SLC2A3: variants seen among roughly 807,000 people sequenced by gnomAD.
SLC2A3 encodes solute carrier family 2 member 3, also known as solute carrier family 2, facilitated glucose transporter member 3.
SLC2A3 carries 21 observed loss-of-function variants against 46.4 expected under a neutral mutation model. The observed-to-expected ratio is 0.45, with a 90% CI of 0.32 to 0.65. The LOEUF (loss-of-function observed/expected upper bound fraction) is 0.65. Among genes scored for constraint, SLC2A3 ranks in the 30% least tolerant of loss-of-function variants. SLC2A3 has a pLI of 0.04. For synonymous variants in SLC2A3, 213 were observed against 239.4 expected (o/e 0.89, Z 1.02); for missense variants, 499 against 623.3 (o/e 0.80, Z 2.12).
intron 8 of SLC2A3, among the ~76,000 whole-genome samples, chr12:7,923,683 C>A (rs1214741361): frequency 6.6e-6 from 1 of 151,780 alleles, no homozygotes; most frequent in East Asian, 1.9e-4. Flanking sequence ...TGGTCTTGAA[C>A]TTCTGGGCTC....
chr12:7,920,322 G>T lies in SLC2A3; in HGVS notation c.*1091C>A, dbSNP rs946631185. 17 of 152,044 alleles carry T rather than the reference G, an allele frequency of 1.1e-4. 1 individual carries two copies. The highest frequency in any genetic ancestry group is 5.8e-4 in the East Asian group (3 of 5,180). The allele number at this position is 152,044 out of a possible 1,614,324, so 9.4% of individuals were successfully genotyped here. A position where few individuals can be genotyped will look rare whatever the true frequency, so the allele number is the denominator to read the frequency against. ...TTTCTTATTTGGATGGCTCTCCCACGAGATAGGTGGCGGGATTACTTCAAA... is the reference window on the plus strand; with the variant it reads ...TTTCTTATTTGGATGGCTCTCCCACTAGATAGGTGGCGGGATTACTTCAAA... On this transcript the variant is annotated 3_prime_UTR_variant, in exon 10 of 10. Transcript: ENST00000075120.
At chr12:7,935,429 G>A (rs115815725) in intron 1 of SLC2A3, among the ~76,000 whole-genome samples, 1,597 of 152,160 alleles carry the variant, frequency 0.01, 34 homozygotes, top group African/African-American at 0.036. Flanking sequence ...TCCAGCCTGG[G>A]CAACAAGAGT....
chr12:7,933,068 C>A lies in SLC2A3; in HGVS notation c.188G>T (p.Trp63Leu), dbSNP rs1456273403. The A allele has an allele frequency of 1.2e-6, 2 of 1,614,120 alleles. No homozygotes were observed. The highest frequency in any genetic ancestry group is 8.5e-7 in the Non-Finnish European group (1 of 1,180,016). Reference protein sequence around the residue: ...PPSEVLLTSLWSLSVAIFSVG... With the variant: ...PPSEVLLTSLLSLSVAIFSVG... ...GGAAAATATGGCCACAGACAAGGAC[C>A]AGAGAGACGTGAGCAGCACCTCAGA... Residue 63 changes from tryptophan (W) to leucine (L), a missense_variant, in exon 3 of 10, where the codon TGG becomes TTG. Around this residue, in one of 5 missense-constraint regions of SLC2A3, gnomAD observed 248 missense variants for 284.0 expected, o/e 0.87. Coordinates refer to ENST00000075120, the MANE Select transcript of SLC2A3 (RefSeq NM_006931.3).
At chr12:7,934,187 T>C (rs768526117) in intron 1 of SLC2A3, among the ~76,000 whole-genome samples, 1 of 152,036 alleles carries the variant, frequency 6.6e-6, no homozygotes, top group Admixed American at 6.6e-5. Flanking sequence ...ATTTAAAAAC[T>C]TGCATCAGGC....
chr12:7,933,540 C>A, intron 2 of SLC2A3: 1 of 484,278 alleles, frequency 2.1e-6, no homozygotes, highest in South Asian at 2.7e-5. Flanking sequence ...ATTTTCCCCA[C>A]CAATATTGTC....
Position 7,931,360 on chromosome 12 carries a change from C to A in SLC2A3, c.395G>T (p.Gly132Val). The A allele has an allele frequency of 6.2e-7, 1 of 1,614,160 alleles. No homozygotes were observed. The highest frequency in any genetic ancestry group is 8.5e-7 in the Non-Finnish European group (1 of 1,180,022). ...CATGGGCACAAAACCTGTGCAGAGT[C>A]CGCAGAAGAGGCCAATAACCAAGCG... ...LGRLVIGLFC[G>V]LCTGFVPMYI... Residue 132 changes from glycine to valine, a missense_variant, in exon 4 of 10, where the codon GGA (glycine) becomes GTA (valine). Gly to Val is a moderately radical substitution (Grantham distance 109). Around this residue, in one of 5 missense-constraint regions of SLC2A3, gnomAD observed 248 missense variants for 284.0 expected, o/e 0.87. Transcript: ENST00000075120.
chr12:7,921,346 A>T lies in SLC2A3; in HGVS notation c.*67T>A. 6.2e-7 allele frequency: 1 copy of T among 1,610,854 alleles called. No homozygotes were observed. The highest frequency in any genetic ancestry group is 8.5e-7 in the Non-Finnish European group (1 of 1,177,946). On this transcript the variant is annotated 3_prime_UTR_variant, in exon 10 of 10. Transcript: ENST00000075120. The stretch of plus-strand genomic sequence containing the variant: ...GAAGCGTCCTGGGTTCATCCTGATG[A>T]GGTCTCTCCCTTGTTGAGGGAGAGG...
At chr12:7,934,765 A>G (rs1267286894) in intron 1 of SLC2A3, among the ~76,000 whole-genome samples, 2 of 151,834 alleles carry the variant, frequency 1.3e-5, no homozygotes, top group Non-Finnish European at 2.9e-5. Flanking sequence ...CAGATTAGGC[A>G]GCAGGCTGGG....
chr12:7,926,953 A>G (rs1946101550), intron 6 of SLC2A3, among the ~76,000 whole-genome samples: 1 of 152,094 alleles, frequency 6.6e-6, no homozygotes, highest in African/African-American at 2.4e-5. Context: ...AAAATACTGG[A>G]CTCAGACCTC....
intron 3 of SLC2A3, among the ~76,000 whole-genome samples, chr12:7,932,435 C>A (rs1331542432): frequency 6.6e-6 from 1 of 152,116 alleles, no homozygotes; most frequent in Admixed American, 6.6e-5. Context: ...GCCTCGGTTT[C>A]CCAAAGTGCT....
At chr12:7,933,554 A>C in intron 2 of SLC2A3, 2 of 500,550 alleles carry the variant, frequency 4.0e-6, no homozygotes, top group Admixed American at 3.5e-5. Flanking sequence ...TATTGTCTCC[A>C]TCTTCAGTCT....
chr12:7,931,821 G>A (rs978959541), intron 3 of SLC2A3, among the ~76,000 whole-genome samples: 2 of 151,444 alleles, frequency 1.3e-5, no homozygotes. Flanking sequence ...AGTAAAACAG[G>A]TTGCTTTACC....
chr12:7,936,058 CAAGAAAGA>C lies in SLC2A3; in HGVS notation c.-32_-25del. On this transcript the variant is annotated 5_prime_UTR_variant, in exon 1 of 10. Coordinates refer to ENST00000075120, the MANE Select transcript of SLC2A3 (RefSeq NM_006931.3). ...ATCGCTGTAATCTAATTCAAGTCTT[CAAGAAAGA>C]TCTAGGGGTGATTCCAGAAACAGCT... The C allele has an allele frequency of 3.1e-6, 5 of 1,598,156 alleles. No individual in the cohort carries two copies. Among genetic ancestry groups the C allele is most frequent in the Non-Finnish European group, 4.3e-6 (5 of 1,165,498 alleles).
rs779391423 is a variant in SLC2A3, at chr12:7,930,382, G to C, written c.673+98C>G. 1.4e-5 allele frequency: 18 copies of C among 1,242,784 alleles called. 1 individual carries two copies. In the Admixed American group the frequency reaches 2.8e-4, roughly 19 times the overall value. 77.0% of individuals were successfully genotyped at this position (1,242,784 alleles called of 1,614,324 possible). ...ACCCTCCTCACTTGGATTCTGAGAG[G>C]CAGGGAAAGAGTGTAACAGAAAGTA... On this transcript the variant is annotated intron_variant, in intron 5 of 9. Transcript: ENST00000075120.
At chr12:7,930,052 C>A (rs978173364) in intron 5 of SLC2A3, 181 bp from the exon 6 acceptor site, 8 of 1,282,990 alleles carry the variant, frequency 6.2e-6, no homozygotes, top group Non-Finnish European at 8.3e-6. Flanking sequence ...ATGGCATGAT[C>A]TCAGCTCCCT....
At chr12:7,934,326 C>T (rs780769596) in intron 1 of SLC2A3, among the ~76,000 whole-genome samples, 4 of 152,138 alleles carry the variant, frequency 2.6e-5, no homozygotes, top group East Asian at 1.9e-4. Flanking sequence ...CCAGACTCCA[C>T]GGAAGCCCAC....
chr12:7,935,545 G>A (rs531661212), intron 1 of SLC2A3, among the ~76,000 whole-genome samples: 2 of 152,128 alleles, frequency 1.3e-5, no homozygotes, highest in African/African-American at 2.4e-5. Flanking sequence ...ACCCTAATAG[G>A]AAGGACAACT....
At chr12:7,922,206 G>C (rs1236189668) in intron 9 of SLC2A3, among the ~76,000 whole-genome samples, 3 of 151,742 alleles carry the variant, frequency 2.0e-5, no homozygotes, top group Non-Finnish European at 4.4e-5. Context: ...TGGGATTACA[G>C]TCATGAGCCA....
At position 7,921,231 on chromosome 12, in the gene SLC2A3, T is replaced by C; in HGVS notation, c.*182A>G. 1 of 1,259,760 alleles carries C rather than the reference T, an allele frequency of 7.9e-7. No individual in the cohort carries two copies. The allele number at this position is 1,259,760 out of a possible 1,614,324, so 78.0% of individuals were successfully genotyped here. On this transcript the variant is annotated 3_prime_UTR_variant, in exon 10 of 10. Coordinates refer to ENST00000075120, the MANE Select transcript of SLC2A3 (RefSeq NM_006931.3). ...AGAAGAGGATGTCCAGGAAATAAAA[T>C]TTAAAAAGCCATTGAAGATCCAACA...
Sources: gnomAD v4.1 joint callset for allele counts (sites outside exome capture counted in the v4.1 genomes callset) on GRCh38, gnomAD v4.1.1 for gene constraint, gnomAD v4.1.1 regional missense constraint, MANE v1.5 for transcripts, NCBI Gene and HGNC (gene_info 2026-07-23, HGNC 2026-07-21) for gene names.